The following BACE2 variants were observed in gnomAD, a reference collection of about 807,000 sequenced individuals.
BACE2 encodes beta-secretase 2.
BACE2 carries 17 observed loss-of-function variants against 46.2 expected under a neutral mutation model. That is an observed-to-expected ratio of 0.37 (90% CI 0.25 to 0.55). The LOEUF is 0.55. Among genes scored for constraint, BACE2 ranks in the 20% least tolerant of loss-of-function variants. The probability of loss-of-function intolerance (pLI) is 0.82; values close to 1 mark genes in which losing one functional copy is unlikely to be tolerated. For missense variants in BACE2, 595 were observed against 698.1 expected (o/e 0.85, Z 1.66); for synonymous variants, 277 against 295.9 (o/e 0.94, Z 0.66).
Position 41,246,056 on chromosome 21 carries a change from C to T in BACE2, c.977C>T (p.Ala326Val). The T allele has an allele frequency of 6.2e-7, 1 of 1,601,434 alleles. No homozygotes were observed. The highest frequency in any genetic ancestry group is 8.5e-7 in the Non-Finnish European group (1 of 1,173,816). The change falls in exon 6 of 9, where the codon GCA becomes GTA. Residue 326 changes from alanine to valine, a missense_variant. Coordinates refer to ENST00000330333, the MANE Select transcript of BACE2 (RefSeq NM_012105.5). ...GCGGTGGTGGAAGCTGTGGCCCGCG[C>T]ATCTCTGGTGAGTCCTCGGGACACT... ...FDAVVEAVAR[A>V]SLIPEFSDGF...
chr21:41,221,757 G>A (rs1057013298), intron 1 of BACE2, among the ~76,000 whole-genome samples: 2 of 151,556 alleles, frequency 1.3e-5, no homozygotes, highest in Admixed American at 1.3e-4. Flanking sequence ...GAGCCCAGGA[G>A]GAGGAGCTTG....
intron 1 of BACE2, among the ~76,000 whole-genome samples, chr21:41,194,890 G>T (rs1323654786): frequency 6.6e-6 from 1 of 152,194 alleles, no homozygotes; most frequent in Non-Finnish European, 1.5e-5. Flanking sequence ...ACATCTGAAA[G>T]TCTGTTTACT....
In BACE2 at chr21:41,279,018, T is replaced by C. The variant is rs906915501; in HGVS notation, c.*3394T>C. ...GAGGAAAAACTTGCCAGTAAGTTTT[T>C]TGGTTGTTGTTTTGTTTTTTTTGAA... On this transcript the variant is annotated 3_prime_UTR_variant, in exon 9 of 9. Transcript: ENST00000330333. 1 of 150,212 alleles carries C rather than the reference T, an allele frequency of 6.7e-6. No individual in the cohort carries two copies. The highest frequency in any genetic ancestry group is 2.5e-5 in the African/African-American group (1 of 39,782). The allele number at this position is 150,212 out of a possible 1,614,324, so 9.3% of individuals were successfully genotyped here.
rs1287350302 is a variant in BACE2 at position 41,282,528 on chromosome 21, C to G, written c.*6904C>G. ...TGTTTATTTGAATAAATAATACTCCCAACCTGTTGCTTTTGGAATGTTTTG... is the reference window on the plus strand; with the variant it reads ...TGTTTATTTGAATAAATAATACTCCGAACCTGTTGCTTTTGGAATGTTTTG... On this transcript the variant is annotated 3_prime_UTR_variant, in exon 9 of 9. Coordinates refer to ENST00000330333, the MANE Select transcript of BACE2 (RefSeq NM_012105.5). The G allele has an allele frequency of 6.6e-6, 1 of 152,160 alleles. No homozygotes were observed. The highest frequency in any genetic ancestry group is 2.4e-5 in the African/African-American group (1 of 41,424). The allele number at this position is 152,160 out of a possible 1,614,324, so 9.4% of individuals were successfully genotyped here.
At chr21:41,189,616 G>T (rs973792422) in intron 1 of BACE2, among the ~76,000 whole-genome samples, 1 of 152,128 alleles carries the variant, frequency 6.6e-6, no homozygotes, top group Non-Finnish European at 1.5e-5. Context: ...CATGCTAGAG[G>T]CTTTCCTCAC....
chr21:41,263,078 C>T (rs141959373), intron 8 of BACE2, among the ~76,000 whole-genome samples: 7 of 151,984 alleles, frequency 4.6e-5, no homozygotes, highest in Admixed American at 1.3e-4. Flanking sequence ...TTTCTCATTT[C>T]GTACCATGGA....
At chr21:41,168,969 C>T (rs1256630115) in intron 1 of BACE2, among the ~76,000 whole-genome samples, 1 of 146,788 alleles carries the variant, frequency 6.8e-6, no homozygotes, top group South Asian at 2.3e-4. Context: ...AAAATCACCT[C>T]GTGTTCATAC....
Position 41,277,749 on chromosome 21 carries a change from A to C in BACE2, c.*2125A>C, listed in dbSNP as rs115866116. The C allele has an allele frequency of 2.0e-5, 3 of 152,352 alleles. No individual in the cohort carries two copies. Among genetic ancestry groups the C allele is most frequent in the African/African-American group, 7.2e-5 (3 of 41,588 alleles). The allele number at this position is 152,352 out of a possible 1,614,324, so 9.4% of individuals were successfully genotyped here. A position where few individuals can be genotyped will look rare whatever the true frequency, so the allele number is the denominator to read the frequency against. ...TTCCTCCTGCAGCAGATGAACAGGCATAGTTCTTAAAATACAGGAAAGTAA... is the reference window on the plus strand; with the variant it reads ...TTCCTCCTGCAGCAGATGAACAGGCCTAGTTCTTAAAATACAGGAAAGTAA... On this transcript the variant is annotated 3_prime_UTR_variant, in exon 9 of 9. Coordinates refer to ENST00000330333, the MANE Select transcript of BACE2 (RefSeq NM_012105.5).
chr21:41,255,389 G>T (rs77395637), intron 7 of BACE2, among the ~76,000 whole-genome samples: 2 of 152,132 alleles, frequency 1.3e-5, no homozygotes, highest in Non-Finnish European at 2.9e-5. Flanking sequence ...AGAGTGCTCC[G>T]ATGCTTGCAG....
intron 1 of BACE2, among the ~76,000 whole-genome samples, chr21:41,198,815 A>G (rs1299050604): frequency 1.3e-5 from 2 of 151,752 alleles, no homozygotes; most frequent in Non-Finnish European, 2.9e-5. Flanking sequence ...CTTCTAGGCA[A>G]CTTGGGTGAT....
At chr21:41,205,664 C>T (rs552621469) in intron 1 of BACE2, among the ~76,000 whole-genome samples, 7 of 152,038 alleles carry the variant, frequency 4.6e-5, no homozygotes, top group African/African-American at 1.2e-4. Context: ...TTTTTTTAAG[C>T]GTGTTGGGTG....
At chr21:41,177,002 G>A (rs1212226395) in intron 1 of BACE2, 3 of 152,232 alleles carry the variant, frequency 2.0e-5, no homozygotes, top group African/African-American at 7.2e-5. Flanking sequence ...TCTACAAAGT[G>A]TGCTTGCTCC....
intron 1 of BACE2, chr21:41,176,677 A>T (rs1404285899): frequency 6.6e-6 from 1 of 150,922 alleles, no homozygotes; most frequent in Non-Finnish European, 1.5e-5. Context: ...TGTTCCAAAA[A>T]CTCCTCGTGT....
rs1056882973 is a variant in BACE2 at position 41,227,211 on chromosome 21, C to T, written c.401+857C>T. ...GACAGCCAGGTAAATTTAAATTCAACGGACAGAACAGGTAAATTTAAATTC... is the reference window on the plus strand; with the variant it reads ...GACAGCCAGGTAAATTTAAATTCAATGGACAGAACAGGTAAATTTAAATTC... On this transcript the variant is annotated intron_variant, in intron 2 of 8. Transcript: ENST00000330333. 1.2e-4 allele frequency among the ~76,000 whole-genome samples: 18 copies of T among 152,162 alleles called. No homozygotes were observed. The East Asian group carries it at 1.5e-3, about 13-fold the overall frequency.
chr21:41,235,450 G>C (rs1478860579), intron 2 of BACE2, among the ~76,000 whole-genome samples: 2 of 152,152 alleles, frequency 1.3e-5, no homozygotes, highest in African/African-American at 4.8e-5. Flanking sequence ...TCTGCTTCCT[G>C]GTGTCTCCTT....
chr21:41,171,222 CCT>C (rs1984597503), intron 1 of BACE2, among the ~76,000 whole-genome samples: 1 of 152,250 alleles, frequency 6.6e-6, no homozygotes, highest in African/African-American at 2.4e-5. Flanking sequence ...TCCCCCATCT[CCT>C]CTTTCCTTCA....
Position 41,169,304 on chromosome 21 carries a change from G to C in BACE2, c.312+729G>C, listed in dbSNP as rs1319937277. Reference sequence around the variant, plus strand: ...TTCCAGCTACCGGGAAAAAAACAGGGGCTGAGTGAGGTGTCCGGGGACCAA... The same window carrying C: ...TTCCAGCTACCGGGAAAAAAACAGGCGCTGAGTGAGGTGTCCGGGGACCAA... On this transcript the variant is annotated intron_variant, in intron 1 of 8. Transcript: ENST00000330333. Among the ~76,000 whole-genome samples the C allele has an allele frequency of 2.0e-5, 3 of 152,074 alleles. No individual in the cohort carries two copies. In the East Asian group the frequency reaches 5.8e-4, roughly 29 times the overall value.
intron 1 of BACE2, among the ~76,000 whole-genome samples, chr21:41,170,642 A>G (rs770599743): frequency 1.7e-4 from 26 of 152,200 alleles, no homozygotes; most frequent in Non-Finnish European, 2.5e-4. Flanking sequence ...GGCAGCAGTG[A>G]GGTGACTTCT....
At chr21:41,227,001 T>G (rs376618036) in intron 2 of BACE2, among the ~76,000 whole-genome samples, 1 of 152,228 alleles carries the variant, frequency 6.6e-6, no homozygotes, top group Non-Finnish European at 1.5e-5. Context: ...GCCTTGCCCA[T>G]GCAGGCTTCC....
Sources: allele counts gnomAD v4.1 joint callset (sites outside exome capture counted in the v4.1 genomes callset), GRCh38; gene constraint gnomAD v4.1.1; transcripts MANE v1.5; gene names NCBI Gene and HGNC (gene_info 2026-07-23, HGNC 2026-07-21).